The following OSBPL10 variants were observed in gnomAD, a reference collection of about 807,000 sequenced individuals.
The protein encoded by OSBPL10 is oxysterol-binding protein-related protein 10.
A neutral mutation model predicts 81.7 loss-of-function variants in OSBPL10; 49 were observed. The observed-to-expected ratio is 0.60, with a 90% CI of 0.48 to 0.76. The LOEUF is 0.76. Among genes scored for constraint, OSBPL10 ranks in the 30% least tolerant of loss-of-function variants. The pLI is 0.00. For missense variants in OSBPL10, 923 were observed against 987.8 expected (o/e 0.93, Z 0.88); for synonymous variants, 419 against 383.6 (o/e 1.09, Z -1.08).
chr3:31,893,826 G>A (rs751052176), intron 1 of OSBPL10, among the ~76,000 whole-genome samples: 3 of 152,198 alleles, frequency 2.0e-5, no homozygotes, highest in Non-Finnish European at 4.4e-5. Context: ...AAGATAAGTG[G>A]TTGTCTGGGG....
intron 1 of OSBPL10, among the ~76,000 whole-genome samples, chr3:31,946,351 A>T (rs1482426748): frequency 6.6e-6 from 1 of 152,060 alleles, no homozygotes; most frequent in Non-Finnish European, 1.5e-5. Context: ...AAAAATTAGA[A>T]ATCAATTAAG....
At chr3:31,838,419 G>A (rs951660863) in intron 3 of OSBPL10, among the ~76,000 whole-genome samples, 1 of 149,364 alleles carries the variant, frequency 6.7e-6, no homozygotes, top group African/African-American at 2.5e-5. Flanking sequence ...ACTGAAACAG[G>A]AGAATGGCGT....
At chr3:31,927,097 T>A (rs943871665) in intron 1 of OSBPL10, among the ~76,000 whole-genome samples, 3 of 151,946 alleles carry the variant, frequency 2.0e-5, no homozygotes, top group African/African-American at 7.3e-5. Context: ...GGTGACAGAG[T>A]GAGACTCCAT....
chr3:32,072,970 AG>A (rs1333956493), intron 1 of OSBPL10, among the ~76,000 whole-genome samples: 2 of 152,106 alleles, frequency 1.3e-5, no homozygotes, highest in East Asian at 3.9e-4. Flanking sequence ...CTTGGTATTC[AG>A]TGGAACCTTC....
intron 3 of OSBPL10, among the ~76,000 whole-genome samples, chr3:31,868,986 G>T (rs1413758271): frequency 6.6e-6 from 1 of 152,148 alleles, no homozygotes; most frequent in Non-Finnish European, 1.5e-5. Flanking sequence ...AGCCACGAAT[G>T]GATTAAAAAG....
rs1698979120 is a variant in OSBPL10 at position 31,988,733 on chromosome 3, G to A, written n.298+57758C>T. The A allele has an allele frequency of 1.7e-5, 5 of 294,828 alleles. No individual in the cohort carries two copies. In the South Asian group the frequency reaches 2.6e-4, roughly 15 times the overall value. The allele number at this position is 294,828 out of a possible 1,614,324, so 18.3% of individuals were successfully genotyped here. ...AATGGATAGCCCAGGCAGGAGGCAT[G>A]AAGGTGTGCCAGCCACTGTGTCAGT... On this transcript the variant is annotated intron_variant and non_coding_transcript_variant, in intron 2 of 3. Transcript: ENST00000479173.
rs568472968 is a variant in OSBPL10 at position 31,946,897 on chromosome 3, C to T, written c.281+34002G>A. On this transcript the variant is annotated intron_variant, in intron 1 of 11. Transcript: ENST00000396556. ...CTCAGGGAGGCCTTAAGAAGATGAT[C>T]GTGGGAGTCCAGACCAGATGCAAGG... Among the ~76,000 whole-genome samples the T allele has an allele frequency of 3.9e-5, 6 of 152,260 alleles. No individual in the cohort carries two copies. The South Asian group carries it at 1.2e-3, about 32-fold the overall frequency.
intron 9 of OSBPL10, among the ~76,000 whole-genome samples, chr3:31,669,325 CTCTG>C (rs1439434588): frequency 6.6e-6 from 1 of 152,132 alleles, no homozygotes; most frequent in Non-Finnish European, 1.5e-5. Context: ...ATAGCATATA[CTCTG>C]TCTTCTCCAA....
At chr3:31,857,609 T>C (rs1700944310) in intron 3 of OSBPL10, among the ~76,000 whole-genome samples, 1 of 151,030 alleles carries the variant, frequency 6.6e-6, no homozygotes, top group South Asian at 2.1e-4. Context: ...CTTGAGTAAC[T>C]ACATTTTTAA....
intron 4 of OSBPL10, among the ~76,000 whole-genome samples, chr3:31,769,201 G>A (rs1035484013): frequency 1.3e-5 from 2 of 152,022 alleles, no homozygotes; most frequent in Non-Finnish European, 2.9e-5. Context: ...CCAGCACTTT[G>A]GGAGGCCGAG....
At chr3:31,786,062 GA>G (rs1428012551) in intron 4 of OSBPL10, among the ~76,000 whole-genome samples, 1 of 152,176 alleles carries the variant, frequency 6.6e-6, no homozygotes, top group Non-Finnish European at 1.5e-5. Flanking sequence ...ACCAGACAAG[GA>G]TAGAGGCAAA....
chr3:32,029,716 A>T (rs1699449344), intron 2 of OSBPL10, among the ~76,000 whole-genome samples: 1 of 152,218 alleles, frequency 6.6e-6, no homozygotes, highest in Admixed American at 6.5e-5. Context: ...GCCAATAAAA[A>T]TAAGATGAAA....
At chr3:31,859,580 G>A (rs150646735) in intron 3 of OSBPL10, among the ~76,000 whole-genome samples, 2 of 152,196 alleles carry the variant, frequency 1.3e-5, no homozygotes, top group African/African-American at 4.8e-5. Context: ...CTCCATCTTG[G>A]TGAAATGGTT....
At chr3:31,930,022 A>AAAAAC (rs1697196791) in intron 1 of OSBPL10, among the ~76,000 whole-genome samples, 2 of 150,502 alleles carry the variant, frequency 1.3e-5, no homozygotes, top group Non-Finnish European at 3.0e-5. Flanking sequence ...AAAAAAAAAA[A>AAAAAC]AAAACAGGTG....
At chr3:31,822,520 G>T (rs999525814) in intron 4 of OSBPL10, among the ~76,000 whole-genome samples, 1 of 152,114 alleles carries the variant, frequency 6.6e-6, no homozygotes, top group Non-Finnish European at 1.5e-5. Flanking sequence ...TAGCAAGGAA[G>T]AATTTTATTA....
chr3:31,714,188 T>G (rs1018496741), intron 6 of OSBPL10: 1 of 152,200 alleles, frequency 6.6e-6, no homozygotes, highest in African/African-American at 2.4e-5. Flanking sequence ...TGGGGGGTGG[T>G]AGTGACATGT....
chr3:31,939,509 G>T (rs1697478950), intron 1 of OSBPL10, among the ~76,000 whole-genome samples: 1 of 149,826 alleles, frequency 6.7e-6, no homozygotes, highest in Admixed American at 6.7e-5. Context: ...CTCCAACTAT[G>T]ACCTCTTCTT....
chr3:31,837,374 T>G (rs1255062458), intron 3 of OSBPL10, among the ~76,000 whole-genome samples: 7 of 28,244 alleles, frequency 2.5e-4, no homozygotes, highest in Non-Finnish European at 5.0e-4. Flanking sequence ...TATATATATA[T>G]AGTAAGTAAC....
intron 10 of OSBPL10, among the ~76,000 whole-genome samples, chr3:31,664,878 TAG>T (rs1559404758): frequency 6.6e-6 from 1 of 152,152 alleles, no homozygotes; most frequent in African/African-American, 2.4e-5. Context: ...GAATTCATTG[TAG>T]AACGCAGCCT....
Sources: allele counts gnomAD v4.1 joint callset (sites outside exome capture counted in the v4.1 genomes callset), GRCh38; gene constraint gnomAD v4.1.1; transcripts MANE v1.5; gene names NCBI Gene and HGNC (gene_info 2026-07-23, HGNC 2026-07-21).